RALYL: variants seen among roughly 807,000 people sequenced by gnomAD.
RALYL encodes RNA-binding Raly-like protein.
In RALYL, 29 loss-of-function variants were observed where a neutral mutation model predicts 35.1. That is an observed-to-expected ratio of 0.83 (90% CI 0.61 to 1.13). RALYL has a LOEUF of 1.13. Ranked by LOEUF, RALYL falls within the 50% of genes most tolerant of loss-of-function variation. The probability of loss-of-function intolerance (pLI) is 0.00; values close to 1 mark genes in which losing one functional copy is unlikely to be tolerated. For missense variants in RALYL, 359 were observed against 360.4 expected (o/e 1.00, Z 0.03); for synonymous variants, 120 against 127.6 (o/e 0.94, Z 0.40).
At chr8:84,223,076 GCCCTGCCTTTCCTTTCCTTT>G (rs1822687333) in intron 1 of RALYL, among the ~76,000 whole-genome samples, 1 of 119,570 alleles carries the variant, frequency 8.4e-6, no homozygotes, top group African/African-American at 3.0e-5. Flanking sequence ...CTCTCCCTTT[GCCCTGCCTTTCCTTTCCTTT>G]CCTTTCCTTT....
At chr8:84,228,755 A>G (rs1824593946) in intron 1 of RALYL, among the ~76,000 whole-genome samples, 1 of 152,182 alleles carries the variant, frequency 6.6e-6, no homozygotes, top group South Asian at 2.1e-4. Context: ...AGGCCTCAGG[A>G]CACCTACGGT....
chr8:84,384,128 A>C (rs536352486), intron 1 of RALYL, among the ~76,000 whole-genome samples: 2 of 151,762 alleles, frequency 1.3e-5, no homozygotes, highest in Non-Finnish European at 2.9e-5. Context: ...TGTATCAAGA[A>C]GAGTAAGATA....
intron 1 of RALYL, among the ~76,000 whole-genome samples, chr8:84,234,633 C>T (rs16912577): frequency 0.17 from 26,568 of 152,128 alleles, 2,559 homozygotes; most frequent in African/African-American, 0.25. Context: ...TTTCCTTCAT[C>T]GGAATGTCCT....
chr8:84,203,387 G>C (rs1415382136), intron 1 of RALYL, among the ~76,000 whole-genome samples: 3 of 151,712 alleles, frequency 2.0e-5, no homozygotes, highest in African/African-American at 7.3e-5. Flanking sequence ...AATCTTAATG[G>C]AACTTTTCAA....
Position 84,445,716 on chromosome 8 carries a change from A to G in RALYL, c.-23-83583A>G, listed in dbSNP as rs374280369. Among the ~76,000 whole-genome samples, 22 of 151,722 alleles carry G rather than the reference A, an allele frequency of 1.5e-4. 2 individuals are homozygous for G. In the South Asian group the frequency reaches 3.7e-3, roughly 26 times the overall value. On this transcript the variant is annotated intron_variant, in intron 1 of 8. Coordinates refer to ENST00000521268, the MANE Select transcript of RALYL (RefSeq NM_173848.7). ...GTCAGGATTAAATTACTTTCATTTCATTTACTTGCAATGTGTTTGCATTAA... is the reference window on the plus strand; with the variant it reads ...GTCAGGATTAAATTACTTTCATTTCGTTTACTTGCAATGTGTTTGCATTAA...
At chr8:84,353,649 T>G (rs1247562216) in intron 1 of RALYL, among the ~76,000 whole-genome samples, 2 of 150,258 alleles carry the variant, frequency 1.3e-5, no homozygotes, top group African/African-American at 2.5e-5. Flanking sequence ...CGTCAAGATA[T>G]GTTACAAGGT....
At chr8:84,531,425 C>T (rs1434800380) in intron 2 of RALYL, among the ~76,000 whole-genome samples, 1 of 151,974 alleles carries the variant, frequency 6.6e-6, no homozygotes, top group Non-Finnish European at 1.5e-5. Context: ...TTACATTGGT[C>T]CCATCGAACT....
chr8:84,333,147 T>C (rs746284666), intron 1 of RALYL, among the ~76,000 whole-genome samples: 11 of 152,188 alleles, frequency 7.2e-5, no homozygotes, highest in Non-Finnish European at 7.3e-5. Flanking sequence ...AAGAGAATGG[T>C]CTCAAGTTTA....
chr8:84,385,297 T>C (rs1395925125), intron 1 of RALYL, among the ~76,000 whole-genome samples: 1 of 151,864 alleles, frequency 6.6e-6, no homozygotes, highest in Non-Finnish European at 1.5e-5. Context: ...ATTCAATCAA[T>C]TTCTAAGAGC....
intron 2 of RALYL, chr8:84,665,874 G>A (rs1831915728): frequency 6.6e-6 from 1 of 151,944 alleles, no homozygotes. Context: ...ACAAACACAA[G>A]TCTTGACTAA....
At chr8:84,583,021 A>G (rs1434378541) in intron 2 of RALYL, among the ~76,000 whole-genome samples, 4 of 152,152 alleles carry the variant, frequency 2.6e-5, no homozygotes, top group Non-Finnish European at 5.9e-5. Flanking sequence ...CTATCTATAC[A>G]CTAAGATAGA....
At chr8:84,508,895 G>T (rs920878621) in intron 1 of RALYL, among the ~76,000 whole-genome samples, 6 of 151,818 alleles carry the variant, frequency 4.0e-5, no homozygotes, top group Admixed American at 2.0e-4. Context: ...TAGAATTGAA[G>T]GATTAATTGT....
intron 1 of RALYL, among the ~76,000 whole-genome samples, chr8:84,521,293 G>A (rs711048): frequency 0.54 from 82,810 of 152,036 alleles, 22,673 homozygotes; most frequent in East Asian, 0.66. Flanking sequence ...CAAATTGGCT[G>A]TCAGCTTGAT....
At chr8:84,359,126 ATAT>A (rs965945113) in intron 1 of RALYL, among the ~76,000 whole-genome samples, 4 of 152,000 alleles carry the variant, frequency 2.6e-5, no homozygotes, top group Non-Finnish European at 5.9e-5. Context: ...ATTAAAGAAA[ATAT>A]TATTTCTCCC....
At chr8:84,618,273 CT>C (rs1820346857) in intron 2 of RALYL, among the ~76,000 whole-genome samples, 1 of 151,750 alleles carries the variant, frequency 6.6e-6, no homozygotes, top group African/African-American at 2.4e-5. Flanking sequence ...ATTTCAGAGT[CT>C]GTTATTGGTC....
chr8:84,747,154 A>G lies in RALYL; in HGVS notation c.257-27425A>G, dbSNP rs562155675. Among the ~76,000 whole-genome samples the G allele has an allele frequency of 2.0e-5, 3 of 151,986 alleles. No individual in the cohort carries two copies. In the South Asian group the frequency reaches 6.2e-4, roughly 31 times the overall value. On this transcript the variant is annotated intron_variant, in intron 2 of 8. Coordinates refer to ENST00000521268, the MANE Select transcript of RALYL (RefSeq NM_173848.7). Reference sequence around the variant, plus strand: ...AGTTGAAGAATCCAATATTTCTTTAAAATTGTTAGGAGTATGTTTAAACAG... The same window carrying G: ...AGTTGAAGAATCCAATATTTCTTTAGAATTGTTAGGAGTATGTTTAAACAG...
intron 3 of RALYL, among the ~76,000 whole-genome samples, chr8:84,795,325 A>G (rs990837876): frequency 2.6e-5 from 4 of 152,246 alleles, no homozygotes; most frequent in Non-Finnish European, 5.9e-5. Flanking sequence ...TGCCTGAGTT[A>G]TCACCCTGCT....
chr8:84,614,914 A>G (rs1026861660), intron 2 of RALYL, among the ~76,000 whole-genome samples: 1 of 151,412 alleles, frequency 6.6e-6, no homozygotes, highest in Admixed American at 6.6e-5. Context: ...GGCACTGTAC[A>G]TGGCATTTTA....
chr8:84,775,186 C>T (rs1175869437), intron 3 of RALYL, among the ~76,000 whole-genome samples: 1 of 152,120 alleles, frequency 6.6e-6, no homozygotes, highest in Non-Finnish European at 1.5e-5. Context: ...GAACTTCTGA[C>T]CTCAGGTGAT....
Sources: allele counts gnomAD v4.1 joint callset (sites outside exome capture counted in the v4.1 genomes callset), GRCh38; gene constraint gnomAD v4.1.1; transcripts MANE v1.5; gene names NCBI Gene and HGNC (gene_info 2026-07-23, HGNC 2026-07-21).